The following CPVL variants were observed in gnomAD, a reference collection of about 807,000 sequenced individuals.
CPVL encodes probable serine carboxypeptidase CPVL.
CPVL carries 51 observed loss-of-function variants against 63.7 expected under a neutral mutation model. The observed-to-expected ratio is 0.80, with a 90% CI of 0.64 to 1.01. The LOEUF is 1.01. CPVL is among the 50% of genes least tolerant of loss of function. The pLI is 0.00. For synonymous variants in CPVL, 195 were observed against 206.0 expected (o/e 0.95, Z 0.46); for missense variants, 530 against 573.1 (o/e 0.92, Z 0.77).
intron 5 of CPVL, among the ~76,000 whole-genome samples, chr7:29,171,490 G>A (rs1226919676): frequency 6.6e-6 from 1 of 152,168 alleles, no homozygotes; most frequent in Admixed American, 6.5e-5. Context: ...AGACGGAGAG[G>A]ATTCTACCCA....
chr7:29,045,569 G>A (rs553245213), intron 11 of CPVL, among the ~76,000 whole-genome samples: 38 of 147,864 alleles, frequency 2.6e-4, no homozygotes, highest in African/African-American at 9.9e-4. Context: ...GTCTTCAAAG[G>A]GCTAGGGGGA....
intron 5 of CPVL, among the ~76,000 whole-genome samples, chr7:29,162,661 C>CAAA (rs35159645): frequency 6.9e-5 from 4 of 58,302 alleles, no homozygotes; most frequent in Admixed American, 1.5e-4. Context: ...AACTCCATCT[C>CAAA]AAAAAAAAAA....
In CPVL at chr7:29,177,101, G is replaced by C. The variant is rs190833509; in HGVS notation, c.-11+4189C>G. 9.2e-5 allele frequency among the ~76,000 whole-genome samples: 14 copies of C among 152,226 alleles called. No individual in the cohort carries two copies. In the East Asian group the frequency reaches 2.7e-3, roughly 29 times the overall value. ...TAAGATAAAATATTTTTAGTTTAGT[G>C]AACATTGTCTTCTAGCACAGAGACA... On this transcript the variant is annotated intron_variant, in intron 5 of 16. Transcript: ENST00000409850.
intron 1 of CPVL, among the ~76,000 whole-genome samples, chr7:29,129,084 A>G (rs1790399616): frequency 1.3e-5 from 2 of 152,176 alleles, no homozygotes; most frequent in Admixed American, 1.3e-4. Context: ...CTGTGACATG[A>G]TTGCTCTGGT....
chr7:29,035,785 C>T (rs1280483391), intron 11 of CPVL, among the ~76,000 whole-genome samples: 1 of 152,230 alleles, frequency 6.6e-6, no homozygotes, highest in African/African-American at 2.4e-5. Context: ...TCCACTCTCC[C>T]TTCTCCTGGA....
chr7:29,164,055 G>A (rs1795559645), intron 5 of CPVL, among the ~76,000 whole-genome samples: 1 of 152,184 alleles, frequency 6.6e-6, no homozygotes, highest in African/African-American at 2.4e-5. Flanking sequence ...ATATAGTAGA[G>A]AATGTTTAAC....
intron 1 of CPVL, among the ~76,000 whole-genome samples, chr7:29,133,910 A>T (rs1790941963): frequency 6.6e-6 from 1 of 152,192 alleles, no homozygotes; most frequent in African/African-American, 2.4e-5. Context: ...TGCAGAAGGC[A>T]AAAGTAAAGT....
intron 11 of CPVL, among the ~76,000 whole-genome samples, chr7:29,041,295 T>C (rs1003479652): frequency 2.0e-5 from 3 of 152,084 alleles, no homozygotes; most frequent in East Asian, 1.9e-4. Flanking sequence ...CAGGCTGGTC[T>C]TGAACACCGG....
chr7:29,067,533 A>T (rs1368858535), intron 9 of CPVL, among the ~76,000 whole-genome samples: 4 of 152,116 alleles, frequency 2.6e-5, no homozygotes, highest in Non-Finnish European at 5.9e-5. Flanking sequence ...GAGAGAGAAC[A>T]GCCCCCACTC....
chr7:29,041,185 G>A (rs1469820874), intron 11 of CPVL, among the ~76,000 whole-genome samples: 1 of 145,350 alleles, frequency 6.9e-6, no homozygotes, highest in Non-Finnish European at 1.5e-5. Context: ...AGGCTGGAGT[G>A]CAGTGGTGCG....
intron 12 of CPVL, among the ~76,000 whole-genome samples, chr7:29,019,263 G>T (rs1271643593): frequency 6.6e-6 from 1 of 151,364 alleles, no homozygotes; most frequent in African/African-American, 2.4e-5. Context: ...TTTGACAGAC[G>T]CTCAGAAAGT....
chr7:29,158,437 A>C (rs969418745), intron 5 of CPVL, among the ~76,000 whole-genome samples: 12 of 152,242 alleles, frequency 7.9e-5, no homozygotes, highest in African/African-American at 2.4e-4. Context: ...GTGTAAAGCT[A>C]TGATGTGTGT....
upstream of CPVL, among the ~76,000 whole-genome samples, chr7:29,148,895 C>T (rs1016749497): frequency 2.6e-5 from 4 of 151,890 alleles, no homozygotes; most frequent in Admixed American, 6.6e-5. Context: ...TGACTCTGCC[C>T]GAAGAGCCAG....
chr7:29,081,106 G>A (rs1229119856), intron 7 of CPVL, among the ~76,000 whole-genome samples: 9 of 152,138 alleles, frequency 5.9e-5, no homozygotes, highest in Admixed American at 1.3e-4. Flanking sequence ...CTGCCTTCCC[G>A]TGAGGGCTGT....
intron 5 of CPVL, among the ~76,000 whole-genome samples, chr7:29,165,328 T>C (rs1461980704): frequency 6.6e-6 from 1 of 152,238 alleles, no homozygotes; most frequent in Non-Finnish European, 1.5e-5. Flanking sequence ...TTTGGATTGA[T>C]CTTTACTACT....
At chr7:29,117,211 T>C (rs1322492135) in intron 2 of CPVL, among the ~76,000 whole-genome samples, 6 of 152,204 alleles carry the variant, frequency 3.9e-5, no homozygotes, top group African/African-American at 1.4e-4. Context: ...GATCTACCAA[T>C]CTTGACATGG....
At chr7:29,149,123 G>C (rs1009834005), upstream of CPVL, among the ~76,000 whole-genome samples, 1 of 151,838 alleles carries the variant, frequency 6.6e-6, no homozygotes, top group Non-Finnish European at 1.5e-5. Context: ...AGCTTGGAAA[G>C]GGCAAGAATG....
intron 12 of CPVL, among the ~76,000 whole-genome samples, chr7:29,000,021 T>C (rs1784460639): frequency 6.6e-6 from 1 of 152,118 alleles, no homozygotes; most frequent in Non-Finnish European, 1.5e-5. Context: ...AAGATTAATC[T>C]CAGGGCTCCC....
intron 7 of CPVL, among the ~76,000 whole-genome samples, chr7:29,075,956 G>GTTTT (rs1554335832): frequency 0.21 from 22,630 of 109,766 alleles, 3,819 homozygotes; most frequent in East Asian, 0.42. Flanking sequence ...TGTTGAGATA[G>GTTTT]TTTTTTTTTT....
Sources: allele counts gnomAD v4.1 joint callset (sites outside exome capture counted in the v4.1 genomes callset), GRCh38; gene constraint gnomAD v4.1.1; transcripts MANE v1.5; gene names NCBI Gene and HGNC (gene_info 2026-07-23, HGNC 2026-07-21).